MARCHF3: variants seen among roughly 807,000 people sequenced by gnomAD.
MARCHF3 encodes E3 ubiquitin-protein ligase MARCHF3.
A neutral mutation model predicts 24.2 loss-of-function variants in MARCHF3; 13 were observed. That is an observed-to-expected ratio of 0.54 (90% CI 0.35 to 0.85). The LOEUF is 0.85. Among genes scored for constraint, MARCHF3 ranks in the 40% least tolerant of loss-of-function variants. The probability of loss-of-function intolerance (pLI) is 0.01; values close to 1 mark genes in which losing one functional copy is unlikely to be tolerated. For missense variants in MARCHF3, 276 were observed against 325.0 expected (o/e 0.85, Z 1.16); for synonymous variants, 144 against 137.3 (o/e 1.05, Z -0.34).
Position 126,893,154 on chromosome 5 carries a change from A to G in MARCHF3, c.394-14760T>C, listed in dbSNP as rs184636084. Among the ~76,000 whole-genome samples, 459 of 151,876 alleles carry G rather than the reference A, an allele frequency of 3.0e-3. 10 individuals carry two copies. Among genetic ancestry groups the G allele is most frequent in the African/African-American group, 0.011 (440 of 41,376 alleles). On this transcript the variant is annotated intron_variant, in intron 3 of 4. Transcript: ENST00000308660. ...GGTGATATCCCCTTTATCATTTTTT[A>G]TTGCATCTATTCGATTCTTCTCTCT...
intron 1 of MARCHF3, among the ~76,000 whole-genome samples, chr5:127,018,659 AAGCC>A (rs1178447805): frequency 5.9e-5 from 9 of 152,176 alleles, no homozygotes; most frequent in African/African-American, 1.9e-4. Flanking sequence ...AACAACATGG[AAGCC>A]AGTATGGCTG....
At chr5:127,023,285 T>C (rs1752871481) in intron 1 of MARCHF3, among the ~76,000 whole-genome samples, 1 of 152,212 alleles carries the variant, frequency 6.6e-6, no homozygotes, top group Admixed American at 6.5e-5. Flanking sequence ...GTCCTCCCTA[T>C]ATGTGGCTTT....
intron 3 of MARCHF3, among the ~76,000 whole-genome samples, chr5:126,913,133 C>T (rs983307539): frequency 1.2e-4 from 18 of 152,300 alleles, no homozygotes; most frequent in African/African-American, 4.1e-4. Context: ...GGTGATTTGC[C>T]ACATGGATTT....
At chr5:126,934,101 T>C (rs1366308435) in intron 1 of MARCHF3, among the ~76,000 whole-genome samples, 2 of 152,192 alleles carry the variant, frequency 1.3e-5, no homozygotes, top group African/African-American at 4.8e-5. Context: ...AATGCAGTCA[T>C]TGGGAAGACT....
At chr5:126,935,987 G>A (rs1223825848) in intron 1 of MARCHF3, among the ~76,000 whole-genome samples, 8 of 152,092 alleles carry the variant, frequency 5.3e-5, no homozygotes, top group South Asian at 2.1e-4. Flanking sequence ...GAGTCATAAA[G>A]TAAAATTTAA....
intron 1 of MARCHF3, among the ~76,000 whole-genome samples, chr5:126,960,489 G>A (rs1750603361): frequency 6.6e-6 from 1 of 152,126 alleles, no homozygotes; most frequent in Non-Finnish European, 1.5e-5. Context: ...TACAGAAGCA[G>A]AGTATAAATC....
At chr5:126,892,095 T>G (rs1412124263) in intron 3 of MARCHF3, among the ~76,000 whole-genome samples, 1 of 151,778 alleles carries the variant, frequency 6.6e-6, no homozygotes, top group Non-Finnish European at 1.5e-5. Context: ...TGTTTGTCTG[T>G]TGCTGGTGTG....
chr5:126,872,182 C>T (rs112483465), intron 4 of MARCHF3, among the ~76,000 whole-genome samples: 11,689 of 145,894 alleles, frequency 0.08, 751 homozygotes, highest in Middle Eastern at 0.12. Context: ...CAGGTTCAAG[C>T]GATTCACCTG....
rs184106036 is a variant in MARCHF3, at chr5:126,909,984, C to T, written c.393+4946G>A. Among the ~76,000 whole-genome samples, 31 of 152,292 alleles carry T rather than the reference C, an allele frequency of 2.0e-4. No individual in the cohort carries two copies. The East Asian group carries it at 5.8e-3, about 28-fold the overall frequency. On this transcript the variant is annotated intron_variant, in intron 3 of 4. Coordinates refer to ENST00000308660, the MANE Select transcript of MARCHF3 (RefSeq NM_178450.5). ...CATGCTCAGTTTCAATTTAGCTAAA[C>T]CTCTGACTCACAGGGAACAGCTTTT...
intron 1 of MARCHF3, among the ~76,000 whole-genome samples, chr5:126,984,236 G>C (rs926066813): frequency 1.5e-4 from 23 of 152,150 alleles, no homozygotes; most frequent in African/African-American, 5.1e-4. Flanking sequence ...TGAGGAGGAA[G>C]GGGGTTGAGG....
intron 1 of MARCHF3, among the ~76,000 whole-genome samples, chr5:127,023,072 G>T (rs1426956244): frequency 1.3e-5 from 2 of 152,206 alleles, no homozygotes; most frequent in African/African-American, 4.8e-5. Flanking sequence ...TCCAGGACTA[G>T]TGTTTACCTA....
chr5:127,022,582 T>TAGTTGC (rs1752843794), intron 1 of MARCHF3, among the ~76,000 whole-genome samples: 1 of 152,226 alleles, frequency 6.6e-6, no homozygotes, highest in Non-Finnish European at 1.5e-5. Context: ...GAACATCTAC[T>TAGTTGC]AGTTGCAAGA....
intron 1 of MARCHF3, among the ~76,000 whole-genome samples, chr5:127,019,766 C>T (rs1310474521): frequency 1.3e-5 from 2 of 152,170 alleles, no homozygotes; most frequent in African/African-American, 4.8e-5. Context: ...TGAGATAATA[C>T]ACGTCCTTAC....
intron 1 of MARCHF3, among the ~76,000 whole-genome samples, chr5:127,009,037 A>G (rs1259484958): frequency 2.6e-5 from 4 of 152,102 alleles, no homozygotes; most frequent in Non-Finnish European, 4.4e-5. Flanking sequence ...ACTAAGTTAC[A>G]ATAACATAGG....
chr5:126,914,664 C>T (rs1218399138), intron 3 of MARCHF3: 1 of 538,010 alleles, frequency 1.9e-6, no homozygotes, highest in East Asian at 2.9e-5. Context: ...CTGGCCCTTT[C>T]TCCTTATACT....
chr5:126,869,462 A>G lies in MARCHF3; in HGVS notation c.*1171T>C, dbSNP rs1203502801. On this transcript the variant is annotated 3_prime_UTR_variant, in exon 5 of 5. Transcript: ENST00000308660. ...AAAGAGGGACACGAAACCCTTAGAA[A>G]AAGTCTATTTCGGACTGTGACAGAA... The G allele has an allele frequency of 6.6e-6, 1 of 152,048 alleles. No homozygotes were observed. The highest frequency in any genetic ancestry group is 2.4e-5 in the African/African-American group (1 of 41,392). 9.4% of individuals were successfully genotyped at this position (152,048 alleles called of 1,614,324 possible).
chr5:127,011,953 G>A (rs1752488742), intron 1 of MARCHF3, among the ~76,000 whole-genome samples: 1 of 152,210 alleles, frequency 6.6e-6, no homozygotes, highest in South Asian at 2.1e-4. Context: ...CGATTAAAAG[G>A]TTGTCTTGGC....
At chr5:126,912,486 G>A (rs1754572600) in intron 3 of MARCHF3, among the ~76,000 whole-genome samples, 1 of 152,122 alleles carries the variant, frequency 6.6e-6, no homozygotes, top group Non-Finnish European at 1.5e-5. Context: ...GGTAAACAAA[G>A]TAATGATTAA....
chr5:126,879,718 A>C (rs570926942), intron 3 of MARCHF3, among the ~76,000 whole-genome samples: 1 of 152,222 alleles, frequency 6.6e-6, no homozygotes, highest in Non-Finnish European at 1.5e-5. Context: ...ATTAGCATTG[A>C]AACACTCTAC....
Sources: gnomAD v4.1 joint callset for allele counts (sites outside exome capture counted in the v4.1 genomes callset) on GRCh38, gnomAD v4.1.1 for gene constraint, MANE v1.5 for transcripts, NCBI Gene and HGNC (gene_info 2026-07-23, HGNC 2026-07-21) for gene names.